Variants in KIAA0232 observed in about 807,000 individuals in gnomAD.
KIAA0232 encodes the protein KIAA0232.
KIAA0232 carries 27 observed loss-of-function variants against 122.0 expected under a neutral mutation model. The ratio of observed to expected loss-of-function variants is 0.22; its 90% confidence interval spans 0.16 to 0.31. The LOEUF is 0.31. KIAA0232 is among the 10% of genes least tolerant of loss of function. The probability of loss-of-function intolerance (pLI) is 1.00; values close to 1 mark genes in which losing one functional copy is unlikely to be tolerated. For missense variants in KIAA0232, 1,551 were observed against 1,634.2 expected, an observed-to-expected ratio of 0.95 and a Z score of 0.88; for synonymous variants, 613 against 587.6, an observed-to-expected ratio of 1.04 and a Z score of -0.63.
At chr4:6,806,166 T>C (rs1036830248) in intron 2 of KIAA0232, among the ~76,000 whole-genome samples, 2 of 152,188 alleles carry the variant, frequency 1.3e-5, no homozygotes, top group African/African-American at 4.8e-5. Flanking sequence ...CATAACTTTT[T>C]GAAGGCATAA....
intron 2 of KIAA0232, among the ~76,000 whole-genome samples, chr4:6,822,945 C>G (rs994813420): frequency 8.1e-6 from 1 of 123,900 alleles, no homozygotes; most frequent in Non-Finnish European, 1.6e-5. Context: ...CACACCACAA[C>G]AGTCCCCAGA....
rs5855933 is a variant in KIAA0232, at chr4:6,847,862, T to TAA, written c.369+5668_369+5669dup. On this transcript the variant is annotated intron_variant, in intron 4 of 9. Transcript: ENST00000307659. ...TGCAAACCACTCTTCATTTCCCCCTTAAAAAAAAAAACTACTTATATTTGT... is the reference window on the plus strand; with the variant it reads ...TGCAAACCACTCTTCATTTCCCCCTTAAAAAAAAAAAAACTACTTATATTTGT... Among the ~76,000 whole-genome samples, 923 of 148,482 alleles carry TAA rather than the reference T, an allele frequency of 6.2e-3. 4 individuals are homozygous for TAA. The highest frequency in any genetic ancestry group is 0.014 in the East Asian group (70 of 5,124).
intron 2 of KIAA0232, among the ~76,000 whole-genome samples, chr4:6,820,336 G>A (rs1718363451): frequency 6.6e-6 from 1 of 152,196 alleles, no homozygotes; most frequent in Admixed American, 6.5e-5. Context: ...GGCATGTTTA[G>A]GCTACATCTA....
At chr4:6,807,028 GTCTGTCTATCTATCTA>G (rs1401700009) in intron 2 of KIAA0232, among the ~76,000 whole-genome samples, 6 of 113,168 alleles carry the variant, frequency 5.3e-5, no homozygotes, top group African/African-American at 1.8e-4. Context: ...TTGTCTGTCT[GTCTGTCTATCTATCTA>G]TCTATCTATC....
At chr4:6,824,094 G>C (rs1359744495) in intron 2 of KIAA0232, 91 bp from the exon 3 acceptor site, 7 of 412,376 alleles carry the variant, frequency 1.7e-5, no homozygotes, top group Non-Finnish European at 2.1e-5. Flanking sequence ...TTAATAAAGA[G>C]GGACAGTTTA....
At chr4:6,816,063 T>C (rs1460283422) in intron 2 of KIAA0232, among the ~76,000 whole-genome samples, 1 of 152,152 alleles carries the variant, frequency 6.6e-6, no homozygotes, top group Non-Finnish European at 1.5e-5. Context: ...ATCCAATCTT[T>C]CATGGTGTCA....
chr4:6,830,769 T>C (rs1560179360), intron 3 of KIAA0232, among the ~76,000 whole-genome samples: 1 of 152,066 alleles, frequency 6.6e-6, no homozygotes, highest in Non-Finnish European at 1.5e-5. Context: ...CTTACACCCT[T>C]TTTTGTGTAT....
chr4:6,845,183 C>A (rs566622086), intron 4 of KIAA0232, among the ~76,000 whole-genome samples: 1 of 152,158 alleles, frequency 6.6e-6, no homozygotes, highest in African/African-American at 2.4e-5. Context: ...TGGGCTTGAG[C>A]CAGGTGATTG....
chr4:6,861,116 A>G lies in KIAA0232; in HGVS notation c.734A>G (p.Glu245Gly), dbSNP rs909704385. The change falls in exon 7 of 10, where the codon GAG becomes GGG. Residue 245 changes from glutamate (E) to glycine (G), a missense_variant. Glu to Gly is a moderately conservative substitution (Grantham distance 98). Transcript: ENST00000307659. Reference sequence around the variant, plus strand: ...AGTGAAGTACCCACCACTGTGCATGAGAAAACCCAGAGCAAAAGCAAAAAC... The same window carrying G: ...AGTGAAGTACCCACCACTGTGCATGGGAAAACCCAGAGCAAAAGCAAAAAC... ...RSSEVPTTVH[E>G]KTQSKSKNEK... The G allele has an allele frequency of 5.1e-5, 83 of 1,614,086 alleles. No homozygotes were observed. The highest frequency in any genetic ancestry group is 6.8e-5 in the Non-Finnish European group (80 of 1,180,048).
At chr4:6,837,854 G>C (rs982815343) in intron 3 of KIAA0232, among the ~76,000 whole-genome samples, 2 of 152,120 alleles carry the variant, frequency 1.3e-5, no homozygotes, top group African/African-American at 4.8e-5. Flanking sequence ...AGTGAGCCGA[G>C]ATGGCGGCAG....
chr4:6,823,937 A>G (rs1171108343), intron 2 of KIAA0232, among the ~76,000 whole-genome samples: 2 of 152,032 alleles, frequency 1.3e-5, no homozygotes, highest in African/African-American at 4.8e-5. Flanking sequence ...ACAGCCTCGA[A>G]CTCCTGGGTT....
At chr4:6,784,756 T>C (rs578156917) in intron 1 of KIAA0232, among the ~76,000 whole-genome samples, 1 of 152,304 alleles carries the variant, frequency 6.6e-6, no homozygotes, top group South Asian at 2.1e-4. Flanking sequence ...TTTTTAAACA[T>C]TGAAGGGAAG....
At chr4:6,816,909 A>G (rs1718156626) in intron 2 of KIAA0232, among the ~76,000 whole-genome samples, 1 of 152,038 alleles carries the variant, frequency 6.6e-6, no homozygotes, top group South Asian at 2.1e-4. Flanking sequence ...CCTTATTCTC[A>G]TTTTTATACC....
intron 4 of KIAA0232, among the ~76,000 whole-genome samples, chr4:6,849,395 C>T (rs1720146760): frequency 6.6e-6 from 1 of 152,142 alleles, no homozygotes; most frequent in Admixed American, 6.5e-5. Context: ...GCAGGCAGGT[C>T]ACTTGACGTC....
At chr4:6,821,002 C>T (rs1233495597) in intron 2 of KIAA0232, among the ~76,000 whole-genome samples, 2 of 152,122 alleles carry the variant, frequency 1.3e-5, no homozygotes, top group Non-Finnish European at 2.9e-5. Flanking sequence ...TTATCAGGAG[C>T]CCACTCCTGT....
At chr4:6,786,601 C>T (rs1716630638) in intron 1 of KIAA0232, among the ~76,000 whole-genome samples, 1 of 152,246 alleles carries the variant, frequency 6.6e-6, no homozygotes, top group African/African-American at 2.4e-5. Flanking sequence ...AGCCACCGCA[C>T]AAGACCCAGA....
At chr4:6,787,445 T>TTGTAGTACATTTAAAGAGGCTATGCTTTG (rs1481714568) in intron 1 of KIAA0232, among the ~76,000 whole-genome samples, 2 of 152,202 alleles carry the variant, frequency 1.3e-5, no homozygotes, top group African/African-American at 2.4e-5. Context: ...TCCTGTTGCT[T>TTGTAGTACATTTAAAGAGGCTATGCTTTG]TGTAGTACAT....
intron 7 of KIAA0232, chr4:6,866,110 T>C (rs940607302): frequency 3.0e-5 from 12 of 398,490 alleles, no homozygotes; most frequent in Admixed American, 6.4e-5. Context: ...AATAATATTG[T>C]TAGCCTTTAT....
At chr4:6,807,624 G>A (rs1198009691) in intron 2 of KIAA0232, among the ~76,000 whole-genome samples, 1 of 152,174 alleles carries the variant, frequency 6.6e-6, no homozygotes, top group East Asian at 1.9e-4. Flanking sequence ...ATAGTTTATA[G>A]CCCTTGGTTC....
Sources: allele counts gnomAD v4.1 joint callset (sites outside exome capture counted in the v4.1 genomes callset), GRCh38; gene constraint gnomAD v4.1.1; transcripts MANE v1.5; gene names NCBI Gene and HGNC (gene_info 2026-07-23, HGNC 2026-07-21).